The following NOS2 variants were observed in gnomAD, a reference collection of about 807,000 sequenced individuals.
NOS2 encodes the protein nitric oxide synthase, inducible.
Under a neutral mutation model 136.0 loss-of-function variants are expected in NOS2, and 96 were observed. That is an observed-to-expected ratio of 0.71 (90% CI 0.60 to 0.84). The LOEUF is 0.84. Among genes scored for constraint, NOS2 ranks in the 40% least tolerant of loss-of-function variants. The pLI is 0.00. For missense variants in NOS2, 1,237 were observed against 1,496.9 expected (o/e 0.83, Z 2.87); for synonymous variants, 539 against 587.5 (o/e 0.92, Z 1.20).
At chr17:27,779,423 G>T (rs1009968391) in intron 9 of NOS2, among the ~76,000 whole-genome samples, 1 of 151,708 alleles carries the variant, frequency 6.6e-6, no homozygotes, top group Non-Finnish European at 1.5e-5. Flanking sequence ...GGAATTACAG[G>T]TGTGAACTAC....
At chr17:27,766,307 A>C (rs2297515) in intron 19 of NOS2, among the ~76,000 whole-genome samples, 17,342 of 152,270 alleles carry the variant, frequency 0.11, 1,264 homozygotes, top group Middle Eastern at 0.23. Flanking sequence ...AAGCTGGAAA[A>C]GTGGCTCGTG....
rs201282647 is a variant in NOS2, at chr17:27,762,806, T to C, written c.2792A>G (p.His931Arg). The C allele has an allele frequency of 1.7e-5, 27 of 1,549,210 alleles. No individual in the cohort carries two copies. Among genetic ancestry groups the C allele is most frequent in the Non-Finnish European group, 2.2e-5 (25 of 1,146,872 alleles). ...CTCTGCCCCTGGCTCACCTCGGGTG[T>C]GGTAGGTGACCACGGCCACAGTCAG... Reference protein sequence around the residue: ...IHLTVAVVTYHTRDGQGPLHH... With the variant: ...IHLTVAVVTYRTRDGQGPLHH... Residue 931 changes from histidine (H) to arginine (R), a missense_variant, in exon 22 of 27, where the codon CAC (histidine) becomes CGC (arginine). His to Arg is a conservative substitution (Grantham distance 29, BLOSUM62 0). Coordinates refer to ENST00000313735, the MANE Select transcript of NOS2 (RefSeq NM_000625.4).
In NOS2 at chr17:27,774,258, T is replaced by C; in HGVS notation, c.1475A>G (p.Gln492Arg). ...NYVLSPFYYY[Q>R]VEAWKTHVWQ... ...GGAGAGAAGAGGAAGGCCCCTAACC[T>C]GATAGTAGTAGAAAGGGGACAGGAC... Residue 492 changes from glutamine (Q) to arginine (R), a missense_variant and splice_region_variant, in exon 12 of 27, where the codon CAG (glutamine) becomes CGG (arginine). Physicochemically the swap from Gln to Arg is conservative, Grantham distance 43 (BLOSUM62 1). Transcript: ENST00000313735. 6.7e-7 allele frequency: 1 copy of C among 1,493,612 alleles called. No homozygotes were observed. The highest frequency in any genetic ancestry group is 8.9e-7 in the Non-Finnish European group (1 of 1,119,910). 92.5% of individuals were successfully genotyped at this position (1,493,612 alleles called of 1,614,324 possible).
chr17:27,770,906 C>G lies in NOS2; in HGVS notation c.1809+7G>C. Reference sequence around the variant, plus strand: ...CCCCTAGACCAGCCAGACCTCAAGCCACCCACCTCTCCATTGCCAGGGCAG... The same window carrying G: ...CCCCTAGACCAGCCAGACCTCAAGCGACCCACCTCTCCATTGCCAGGGCAG... On this transcript the variant is annotated splice_region_variant and intron_variant, in intron 15 of 26. Coordinates refer to ENST00000313735, the MANE Select transcript of NOS2 (RefSeq NM_000625.4). The G allele has an allele frequency of 6.2e-7, 1 of 1,610,962 alleles. No individual in the cohort carries two copies. Among genetic ancestry groups the G allele is most frequent in the Non-Finnish European group, 8.5e-7 (1 of 1,177,374 alleles).
At position 27,765,711 on chromosome 17, in the gene NOS2, G is replaced by A. The variant is rs1424251600; in HGVS notation, c.2252C>T (p.Ala751Val). 6.2e-7 allele frequency: 1 copy of A among 1,600,540 alleles called. No individual in the cohort carries two copies. The highest frequency in any genetic ancestry group is 8.5e-7 in the Non-Finnish European group (1 of 1,173,582). ...ACAGGAGAGTTCCACCAGGATGGTG[G>A]CACGGCTGGGGAAGGAAAATGAAGC... ...QNLQSPTSSRATILVELSCED... is the reference protein window; with the variant it reads ...QNLQSPTSSRVTILVELSCED... The change falls in exon 20 of 27, where the codon GCC becomes GTC. Residue 751 changes from alanine to valine, a missense_variant. Ala to Val is a moderately conservative substitution (Grantham distance 64, BLOSUM62 0). Transcript: ENST00000313735.
chr17:27,775,699 G>C (rs1192919581), intron 11 of NOS2, among the ~76,000 whole-genome samples: 1 of 152,138 alleles, frequency 6.6e-6, no homozygotes, highest in Non-Finnish European at 1.5e-5. Context: ...TAAGAGCATT[G>C]CTTGAGCCCA....
chr17:27,766,499 C>T lies in NOS2; in HGVS notation c.2246+11G>A, dbSNP rs755208588. On this transcript the variant is annotated intron_variant, in intron 19 of 26. Coordinates refer to ENST00000313735, the MANE Select transcript of NOS2 (RefSeq NM_000625.4). Reference sequence around the variant, plus strand: ...AGAGTATCACCCACGAAGCCCTGCACTTTCCCTTACCTGGATGTCGGACTT... The same window carrying T: ...AGAGTATCACCCACGAAGCCCTGCATTTTCCCTTACCTGGATGTCGGACTT... 5.6e-6 allele frequency: 9 copies of T among 1,611,446 alleles called. No homozygotes were observed. Among genetic ancestry groups the T allele is most frequent in the South Asian group, 2.2e-5 (2 of 91,036 alleles).
At chr17:27,770,413 G>C (rs1642084138) in intron 15 of NOS2, among the ~76,000 whole-genome samples, 1 of 152,208 alleles carries the variant, frequency 6.6e-6, no homozygotes, top group South Asian at 2.1e-4. Flanking sequence ...TTGAACCAGG[G>C]AGGCAGAGTT....
intron 7 of NOS2, 23 bp downstream of exon 7, chr17:27,781,992 A>G (rs767190840): frequency 6.2e-7 from 1 of 1,607,584 alleles, no homozygotes. Context: ...GCCCCTCTGC[A>G]GCCCTGGGAA....
At chr17:27,788,223 C>CACAT (rs1555540683) in intron 4 of NOS2, among the ~76,000 whole-genome samples, 6 of 151,646 alleles carry the variant, frequency 4.0e-5, no homozygotes, top group Non-Finnish European at 5.9e-5. Flanking sequence ...CACACACACA[C>CACAT]GAATGAAGTA....
At chr17:27,761,878 A>C (rs980217435) in intron 22 of NOS2, among the ~76,000 whole-genome samples, 1 of 152,142 alleles carries the variant, frequency 6.6e-6, no homozygotes, top group Non-Finnish European at 1.5e-5. Context: ...CCTCGGGATT[A>C]AACTTTGATC....
At chr17:27,787,614 G>A (rs1909058646) in intron 5 of NOS2, 64 bp downstream of exon 5, 1 of 1,219,224 alleles carries the variant, frequency 8.2e-7, no homozygotes, top group Non-Finnish European at 1.2e-6. Context: ...AGAGGGTGAT[G>A]GGTAGAGACA....
chr17:27,768,012 G>A (rs1325009068), intron 17 of NOS2, among the ~76,000 whole-genome samples, 175 bp from the exon 18 acceptor site: 1 of 152,140 alleles, frequency 6.6e-6, no homozygotes, highest in African/African-American at 2.4e-5. Flanking sequence ...GAGGTGTCTG[G>A]GCTTGGCACA....
chr17:27,767,906 A>G, intron 17 of NOS2, 69 bp from the exon 18 acceptor site: 1 of 1,594,380 alleles, frequency 6.3e-7, no homozygotes, highest in Non-Finnish European at 8.5e-7. Context: ...TGGGGCTACC[A>G]CTTTTTAGGC....
At chr17:27,795,076 G>A (rs971897131) in intron 2 of NOS2, among the ~76,000 whole-genome samples, 13 of 151,120 alleles carry the variant, frequency 8.6e-5, no homozygotes, top group African/African-American at 1.2e-4. Flanking sequence ...CCACAACTAC[G>A]ACCTCCTGTC....
At chr17:27,782,234 C>T (rs1336019450) in intron 6 of NOS2, 128 bp from the exon 7 acceptor site, 7 of 769,584 alleles carry the variant, frequency 9.1e-6, no homozygotes, top group Admixed American at 8.3e-5. Context: ...AACACCATGC[C>T]GAAGAGTGCA....
Position 27,758,899 on chromosome 17 carries a change from G to T in NOS2, c.3336C>A (p.Asp1112Glu). 1.2e-6 allele frequency: 2 copies of T among 1,602,626 alleles called. No homozygotes were observed. The highest frequency in any genetic ancestry group is 1.7e-6 in the Non-Finnish European group (2 of 1,174,396). The change falls in exon 26 of 27, where the codon GAC becomes GAA. Residue 1112 changes from aspartate to glutamate, a missense_variant. Physicochemically the swap from Asp to Glu is conservative, Grantham distance 45. Around this residue, in one of 3 missense-constraint regions of NOS2, gnomAD observed 782 missense variants for 909.9 expected, o/e 0.86. Transcript: ENST00000313735. ...KLKLNEEQVE[D>E]YFFQLKSQKR... ...ACTATACCTTGAGCTGAAAGAAATA[G>T]TCCTCGACCTGCTCCTCATTCAATT... is the stretch of plus-strand genomic sequence containing the variant.
intron 6 of NOS2, 98 bp from the exon 7 acceptor site, chr17:27,782,204 C>T: frequency 3.1e-6 from 3 of 977,632 alleles, no homozygotes; most frequent in Non-Finnish European, 4.8e-6. Flanking sequence ...GCAGCCGAAA[C>T]ACTCAACACA....
chr17:27,794,627 C>G (rs28998818), intron 2 of NOS2, among the ~76,000 whole-genome samples: 1 of 152,084 alleles, frequency 6.6e-6, no homozygotes, highest in African/African-American at 2.4e-5. Flanking sequence ...CATAGCTCGA[C>G]TTGGTTCTGA....
Sources: gnomAD v4.1 joint callset for allele counts (sites outside exome capture counted in the v4.1 genomes callset) on GRCh38, gnomAD v4.1.1 for gene constraint, gnomAD v4.1.1 regional missense constraint, MANE v1.5 for transcripts, NCBI Gene and HGNC (gene_info 2026-07-23, HGNC 2026-07-21) for gene names.